Variants in ERAP1 observed in about 807,000 individuals in gnomAD.
The protein encoded by ERAP1 is endoplasmic reticulum aminopeptidase 1, also known as adipocyte-derived leucine aminopeptidase.
ERAP1 carries 86 observed loss-of-function variants against 103.7 expected under a neutral mutation model. That is an observed-to-expected ratio of 0.83 (90% confidence interval 0.70 to 0.99). The LOEUF (loss-of-function observed/expected upper bound fraction) is 0.99, where lower values mean the gene tolerates loss of function less well. Among genes scored for constraint, ERAP1 ranks in the 50% least tolerant of loss-of-function variants. The pLI is 0.00. For missense variants in ERAP1, 1,009 were observed against 1,128.4 expected, an observed-to-expected ratio of 0.89 and a Z score of 1.52; for synonymous variants, 398 against 402.4, an observed-to-expected ratio of 0.99 and a Z score of 0.13.
the ERAP1 span, chr5:96,909,428 G>A: frequency 1.5e-6 from 1 of 673,674 alleles, no homozygotes; most frequent in East Asian, 2.7e-5. Flanking sequence ...GTGGGTAACA[G>A]CCAGAAAAAG....
At chr5:96,898,468 G>A in the ERAP1 span, among the ~76,000 whole-genome samples, 1 of 151,564 alleles carries the variant, frequency 6.6e-6, no homozygotes, top group East Asian at 1.9e-4. Context: ...TAGGCCTGGT[G>A]CGGTGGCTCA....
At chr5:96,899,134 A>G in the ERAP1 span, among the ~76,000 whole-genome samples, 3 of 152,208 alleles carry the variant, frequency 2.0e-5, no homozygotes, top group African/African-American at 4.8e-5. Context: ...TAAAGTAATC[A>G]TCATTACTCT....
intron 3 of ERAP1, among the ~76,000 whole-genome samples, chr5:96,800,390 T>C (rs1191229107): frequency 6.6e-6 from 1 of 152,242 alleles, no homozygotes; most frequent in Non-Finnish European, 1.5e-5. Context: ...ATTCTCTTTT[T>C]CTGTCTGCCC....
chr5:96,838,425 C>T, the ERAP1 span, among the ~76,000 whole-genome samples: 1 of 152,038 alleles, frequency 6.6e-6, no homozygotes, highest in African/African-American at 2.4e-5. Context: ...TTCTTTCCCC[C>T]CAGTTTTTGA....
rs147363327 is a variant in ERAP1, at chr5:96,775,677, G to C, written c.*719C>G. ...CACTAATCCTGAAGGGATGAGGAGGGAGCAGTTACCAAAATCCAGAGGTGG... is the reference window on the plus strand; with the variant it reads ...CACTAATCCTGAAGGGATGAGGAGGCAGCAGTTACCAAAATCCAGAGGTGG... On this transcript the variant is annotated 3_prime_UTR_variant, in exon 19 of 19. Transcript: ENST00000443439. 67 of 227,510 alleles carry C rather than the reference G, an allele frequency of 2.9e-4. No individual in the cohort carries two copies. The highest frequency in any genetic ancestry group is 1.5e-3 in the African/African-American group (65 of 42,914). The allele number at this position is 227,510 out of a possible 1,614,324, so 14.1% of individuals were successfully genotyped here.
chr5:96,903,661 A>G, the ERAP1 span: 1 of 1,073,858 alleles, frequency 9.3e-7, no homozygotes, highest in Middle Eastern at 2.5e-4. Context: ...TTGATTTAAT[A>G]TGGATTTGAA....
rs142097626 is a variant in ERAP1 at position 96,800,866 on chromosome 5, G to A, written c.659C>T (p.Pro220Leu). The A allele has an allele frequency of 3.1e-6, 5 of 1,613,910 alleles. No individual in the cohort carries two copies. The African/African-American group carries it at 5.3e-5, about 17-fold the overall frequency. The change falls in exon 3 of 19, where the codon CCA (proline) becomes CTA (leucine). Residue 220 changes from proline (P) to leucine (L), a missense_variant. This residue lies in a region of ERAP1 where 392 missense variants were observed against 455.2 expected (regional missense o/e 0.86). Transcript: ENST00000443439. The part of the protein sequence containing the change: ...EPRHLAISNM[P>L]LVKSVTVAEG... Reference sequence around the variant, plus strand: ...TACACAGGAGTGCAGACTCACCAATGGCATATTGGAGATGGCTAGGTGCCT... The same window carrying A: ...TACACAGGAGTGCAGACTCACCAATAGCATATTGGAGATGGCTAGGTGCCT...
chr5:96,916,565 G>T, the ERAP1 span, among the ~76,000 whole-genome samples: 1 of 144,008 alleles, frequency 6.9e-6, no homozygotes, highest in African/African-American at 2.6e-5. Flanking sequence ...CCAGGTTCAC[G>T]CCATTCTCCT....
chr5:96,824,449 C>G, the ERAP1 span, among the ~76,000 whole-genome samples: 1 of 152,170 alleles, frequency 6.6e-6, no homozygotes, highest in South Asian at 2.1e-4. Flanking sequence ...TCAATGACTT[C>G]CCTTGACACT....
chr5:96,801,056 AC>A lies in ERAP1; in HGVS notation c.525-57del. 1.9e-6 allele frequency: 3 copies of A among 1,594,316 alleles called. 1 individual carries two copies. In the South Asian group the frequency reaches 3.3e-5, roughly 18 times the overall value. On this transcript the variant is annotated intron_variant, in intron 2 of 18. Coordinates refer to ENST00000443439, the MANE Select transcript of ERAP1 (RefSeq NM_001040458.3). ...AGCATGAAGCACCAGGAACTCTAAA[AC>A]AGGTGTTTGCTTTTTAATTCCTAAA... is the stretch of plus-strand genomic sequence containing the variant.
the ERAP1 span, among the ~76,000 whole-genome samples, chr5:96,852,382 AT>A: frequency 1.2e-4 from 19 of 152,192 alleles, no homozygotes; most frequent in Non-Finnish European, 2.5e-4. Context: ...AGAAACCCTG[AT>A]GTCTCCATCA....
At chr5:96,778,642 A>C (rs149481) in intron 18 of ERAP1, among the ~76,000 whole-genome samples, 51,499 of 152,036 alleles carry the variant, frequency 0.34, 9,141 homozygotes, top group African/African-American at 0.45. Flanking sequence ...CAAGAACAAT[A>C]GGCAGGGTTT....
chr5:96,860,720 G>A, the ERAP1 span, among the ~76,000 whole-genome samples: 3 of 152,166 alleles, frequency 2.0e-5, no homozygotes, highest in Admixed American at 2.0e-4. Flanking sequence ...ATTCAGGGGA[G>A]TGGAATAAAA....
chr5:96,924,134 G>C, the ERAP1 span, among the ~76,000 whole-genome samples: 1 of 152,322 alleles, frequency 6.6e-6, no homozygotes, highest in African/African-American at 2.4e-5. Context: ...AGTACACGAT[G>C]GTATATGTCT....
the ERAP1 span, among the ~76,000 whole-genome samples, chr5:96,907,181 T>C: frequency 6.6e-6 from 1 of 152,228 alleles, no homozygotes; most frequent in Admixed American, 6.5e-5. Context: ...TTATATATGT[T>C]TTATTCTTTA....
At chr5:96,875,396 T>C in the ERAP1 span, among the ~76,000 whole-genome samples, 1 of 150,486 alleles carries the variant, frequency 6.6e-6, no homozygotes, top group Non-Finnish European at 1.5e-5. Context: ...ATTAGCTGGG[T>C]GTAGTGGTGG....
the ERAP1 span, among the ~76,000 whole-genome samples, chr5:96,875,551 A>G: frequency 2.0e-5 from 3 of 150,798 alleles, no homozygotes; most frequent in African/African-American, 7.3e-5. Context: ...AAAAAAAAAG[A>G]AAAGAAAAGG....
the ERAP1 span, among the ~76,000 whole-genome samples, chr5:96,870,572 T>A: frequency 6.6e-6 from 1 of 152,088 alleles, no homozygotes; most frequent in Non-Finnish European, 1.5e-5. Context: ...ATGACCCCTT[T>A]CTGACACTCT....
Position 96,774,511 on chromosome 5 carries a change from T to C in ERAP1, c.*1885A>G, listed in dbSNP as rs2150852817. 1.0e-6 allele frequency: 1 copy of C among 986,402 alleles called. No homozygotes were observed. Among genetic ancestry groups the C allele is most frequent in the Non-Finnish European group, 1.2e-6 (1 of 829,734 alleles). 61.1% of individuals were successfully genotyped at this position (986,402 alleles called of 1,614,324 possible). On this transcript the variant is annotated 3_prime_UTR_variant, in exon 19 of 19. Transcript: ENST00000443439. ...AGAGGCAAAGAACAATTTTTTATTATCAAAAAGGTTTCTGCACATTGTTGT... is the reference window on the plus strand; with the variant it reads ...AGAGGCAAAGAACAATTTTTTATTACCAAAAAGGTTTCTGCACATTGTTGT...
Sources: allele counts gnomAD v4.1 joint callset (sites outside exome capture counted in the v4.1 genomes callset), GRCh38; gene constraint gnomAD v4.1.1; regional missense constraint gnomAD v4.1.1; transcripts MANE v1.5; gene names NCBI Gene and HGNC (gene_info 2026-07-23, HGNC 2026-07-21).